Variants in SLC25A13 observed in about 807,000 individuals in gnomAD.
SLC25A13 encodes solute carrier family 25 member 13, also known as electrogenic aspartate/glutamate antiporter SLC25A13, mitochondrial.
In SLC25A13, 70 loss-of-function variants were observed where a neutral mutation model predicts 85.5. The ratio of observed to expected loss-of-function variants is 0.82; its 90% CI spans 0.68 to 1.00. The LOEUF (loss-of-function observed/expected upper bound fraction) is 1.00. Among genes scored for constraint, SLC25A13 ranks in the 50% least tolerant of loss-of-function variants. The pLI, the probability that SLC25A13 is intolerant of heterozygous loss-of-function variation, is 0.00. For synonymous variants in SLC25A13, 259 were observed against 288.7 expected (o/e 0.90, Z 1.04); for missense variants, 765 against 819.8 (o/e 0.93, Z 0.82).
chr7:96,279,370 A>T (rs1171473218), intron 2 of SLC25A13, among the ~76,000 whole-genome samples: 2 of 152,210 alleles, frequency 1.3e-5, no homozygotes, highest in Non-Finnish European at 2.9e-5. Flanking sequence ...ATAAAGACAT[A>T]CCTGCGACTG....
intron 14 of SLC25A13, among the ~76,000 whole-genome samples, chr7:96,138,390 TTC>T (rs1481237736): frequency 2.0e-4 from 30 of 151,956 alleles, no homozygotes; most frequent in African/African-American, 6.5e-4. Flanking sequence ...TTGCATTTTT[TTC>T]TTTTTCTTTT....
At chr7:96,252,387 T>A (rs1021805885) in intron 3 of SLC25A13, among the ~76,000 whole-genome samples, 2 of 152,114 alleles carry the variant, frequency 1.3e-5, no homozygotes, top group African/African-American at 4.8e-5. Context: ...CAGAATCTAC[T>A]GAGCAAGCAA....
At chr7:96,242,538 T>C (rs530783236) in intron 3 of SLC25A13, among the ~76,000 whole-genome samples, 3 of 152,296 alleles carry the variant, frequency 2.0e-5, no homozygotes, top group Admixed American at 6.5e-5. Context: ...GTTGGACATG[T>C]CTCATTATAT....
At chr7:96,157,459 A>C (rs1206372048) in intron 13 of SLC25A13, among the ~76,000 whole-genome samples, 3 of 152,066 alleles carry the variant, frequency 2.0e-5, no homozygotes, top group Non-Finnish European at 4.4e-5. Context: ...TTCATTGTTG[A>C]CACTTCTGGT....
intron 1 of SLC25A13, among the ~76,000 whole-genome samples, chr7:96,313,857 G>A (rs1285741620): frequency 6.6e-6 from 1 of 152,154 alleles, no homozygotes; most frequent in Non-Finnish European, 1.5e-5. Flanking sequence ...CTAGATTTTT[G>A]CTAAAGTAAT....
Position 96,146,582 on chromosome 7 carries a change from C to G in SLC25A13, c.1426G>C (p.Asp476His), listed in dbSNP as rs1382123303. 1.2e-6 allele frequency: 2 copies of G among 1,613,724 alleles called. No homozygotes were observed. The highest frequency in any genetic ancestry group is 1.3e-5 in the African/African-American group (1 of 74,828). The change falls in exon 14 of 18, where the codon GAC becomes CAC. Residue 476 changes from aspartate to histidine, a missense_variant. Transcript: ENST00000265631. Reference sequence around the variant, plus strand: ...TTGTAGATCCCAAAAAACCCCAGGTCCCGCACGACAGACAGAGCACTGACT... The same window carrying G: ...TTGTAGATCCCAAAAAACCCCAGGTGCCGCACGACAGACAGAGCACTGACT... ...PRVSALSVVR[D>H]LGFFGIYKGA...
chr7:96,121,233 C>T lies in SLC25A13; in HGVS notation c.1986G>A (p.Lys662=), dbSNP rs778545092. The T allele has an allele frequency of 9.9e-6, 16 of 1,614,094 alleles. No homozygotes were observed. Among genetic ancestry groups the T allele is most frequent in the Non-Finnish European group, 1.4e-5 (16 of 1,180,018 alleles). The change falls in exon 18 of 18, where the codon AAG becomes AAA. Residue 662 remains lysine, a synonymous_variant. Coordinates refer to ENST00000265631, the MANE Select transcript of SLC25A13 (RefSeq NM_014251.3). The part of the protein sequence containing the change: ...NKFGLYLPLF[K]PSVSTSKAIG... ...TAGCCTTTGAGGTAGATACTGATGG[C>T]TTGAAGAGAGGTAGGTAAAGTCCAA...
chr7:96,152,086 C>T (rs1445677782), intron 13 of SLC25A13, among the ~76,000 whole-genome samples: 2 of 152,152 alleles, frequency 1.3e-5, no homozygotes, highest in East Asian at 3.8e-4. Context: ...GGCTGGATGC[C>T]AGCGGCACAC....
intron 1 of SLC25A13, among the ~76,000 whole-genome samples, chr7:96,306,326 G>A (rs571948831): frequency 2.0e-5 from 3 of 152,222 alleles, no homozygotes; most frequent in African/African-American, 4.8e-5. Flanking sequence ...CAGGGCAAGG[G>A]CAGGGAGCTT....
chr7:96,304,444 C>T (rs1052771941), intron 1 of SLC25A13, among the ~76,000 whole-genome samples: 1 of 152,146 alleles, frequency 6.6e-6, no homozygotes, highest in Non-Finnish European at 1.5e-5. Flanking sequence ...ACTAGAAAGC[C>T]ATCATCATTA....
intron 13 of SLC25A13, 45 bp downstream of exon 13, chr7:96,170,000 G>A: frequency 6.4e-7 from 1 of 1,567,786 alleles, no homozygotes; most frequent in Non-Finnish European, 8.8e-7. Context: ...TGATATATAT[G>A]TGAAACAAGT....
chr7:96,171,877 G>A (rs1421456423), intron 11 of SLC25A13, among the ~76,000 whole-genome samples: 2 of 152,124 alleles, frequency 1.3e-5, no homozygotes, highest in East Asian at 3.8e-4. Context: ...TTTGGGGAAG[G>A]CAGTTAGAAC....
intron 9 of SLC25A13, among the ~76,000 whole-genome samples, chr7:96,187,911 C>G (rs938709714): frequency 6.6e-6 from 1 of 152,162 alleles, no homozygotes; most frequent in East Asian, 1.9e-4. Flanking sequence ...TTGCTCTAAA[C>G]CTCTAAGCGG....
At chr7:96,259,280 A>G (rs1797756584) in intron 3 of SLC25A13, among the ~76,000 whole-genome samples, 2 of 152,228 alleles carry the variant, frequency 1.3e-5, no homozygotes, top group Non-Finnish European at 2.9e-5. Context: ...CAGGCAACCT[A>G]CAGAATGGGA....
chr7:96,157,495 T>G (rs1439437630), intron 13 of SLC25A13, among the ~76,000 whole-genome samples: 1 of 152,208 alleles, frequency 6.6e-6, no homozygotes, highest in East Asian at 1.9e-4. Flanking sequence ...GATATAGCTA[T>G]TTATTTTTTA....
chr7:96,258,763 C>A (rs1250846614), intron 3 of SLC25A13, among the ~76,000 whole-genome samples: 1 of 152,166 alleles, frequency 6.6e-6, no homozygotes, highest in Non-Finnish European at 1.5e-5. Flanking sequence ...CCAACACAAT[C>A]CTAAGCAACA....
At chr7:96,304,610 A>G (rs1584598812) in intron 1 of SLC25A13, among the ~76,000 whole-genome samples, 1 of 152,120 alleles carries the variant, frequency 6.6e-6, no homozygotes, top group Non-Finnish European at 1.5e-5. Context: ...GGGAGTAGCA[A>G]CCCCTTCCCC....
chr7:96,297,938 G>A (rs1799407585), intron 1 of SLC25A13, among the ~76,000 whole-genome samples: 1 of 152,138 alleles, frequency 6.6e-6, no homozygotes, highest in South Asian at 2.1e-4. Context: ...AAACATTGCT[G>A]GGGAAAAGCA....
At chr7:96,255,039 A>C (rs1481690841) in intron 3 of SLC25A13, among the ~76,000 whole-genome samples, 1 of 152,226 alleles carries the variant, frequency 6.6e-6, no homozygotes, top group Non-Finnish European at 1.5e-5. Flanking sequence ...TATATATATT[A>C]AGTTGGTGGC....
Sources: allele counts gnomAD v4.1 joint callset (sites outside exome capture counted in the v4.1 genomes callset), GRCh38; gene constraint gnomAD v4.1.1; transcripts MANE v1.5; gene names NCBI Gene and HGNC (gene_info 2026-07-23, HGNC 2026-07-21).